Variants in SLC14A2 observed in about 807,000 individuals in gnomAD.
SLC14A2 encodes the protein solute carrier family 14 member 2.
SLC14A2 carries 91 observed loss-of-function variants against 104.6 expected under a neutral mutation model. The ratio of observed to expected loss-of-function variants is 0.87; its 90% CI spans 0.73 to 1.04. SLC14A2 has a LOEUF of 1.04. Among genes scored for constraint, SLC14A2 ranks in the 50% least tolerant of loss-of-function variants. The pLI, the probability that SLC14A2 is intolerant of heterozygous loss-of-function variation, is 0.00. For synonymous variants in SLC14A2, 476 were observed against 466.4 expected, an observed-to-expected ratio of 1.02 and a Z score of -0.27; for missense variants, 1,189 against 1,156.0, an observed-to-expected ratio of 1.03 and a Z score of -0.41.
At chr18:45,341,517 C>A (rs572644397) in intron 1 of SLC14A2, among the ~76,000 whole-genome samples, 1 of 150,072 alleles carries the variant, frequency 6.7e-6, no homozygotes, top group African/African-American at 2.4e-5. Flanking sequence ...CACATGTTCT[C>A]ATTTTTGCAC....
chr18:45,222,650 AAG>A (rs2084074334), intron 1 of SLC14A2, among the ~76,000 whole-genome samples: 1 of 151,710 alleles, frequency 6.6e-6, no homozygotes, highest in South Asian at 2.1e-4. Flanking sequence ...AGAGGTGAGA[AAG>A]AGAAAAGCTT....
At chr18:45,373,170 T>C (rs2085740624) in intron 1 of SLC14A2, among the ~76,000 whole-genome samples, 2 of 152,216 alleles carry the variant, frequency 1.3e-5, no homozygotes, top group African/African-American at 4.8e-5. Context: ...CCCATGACAC[T>C]AAATGTGGGC....
intron 1 of SLC14A2, among the ~76,000 whole-genome samples, chr18:45,390,634 A>C (rs796890117): frequency 1.3e-5 from 2 of 152,316 alleles, no homozygotes; most frequent in African/African-American, 4.8e-5. Context: ...GGTATATATA[A>C]AGTGTTAGGA....
chr18:45,235,816 TATATATATATATATAC>T (rs2084220601), intron 1 of SLC14A2, among the ~76,000 whole-genome samples: 2 of 86,616 alleles, frequency 2.3e-5, no homozygotes. Context: ...TGTGTGTGTA[TATATATATATATATAC>T]GTGTATATAT....
rs1043128243 is a variant in SLC14A2, at chr18:45,676,573, A to G, written c.2513-2402A>G. 3.3e-5 allele frequency among the ~76,000 whole-genome samples: 5 copies of G among 151,858 alleles called. No homozygotes were observed. The South Asian group carries it at 1.0e-3, about 31-fold the overall frequency. ...GGAACATTTGGCAATGTCTGATGAC[A>G]TTTTTCTGTGTCATACCTGAGGCTG... On this transcript the variant is annotated intron_variant, in intron 18 of 19. Coordinates refer to ENST00000255226, the MANE Select transcript of SLC14A2 (RefSeq NM_007163.4).
chr18:45,408,942 C>T (rs1297994197), intron 1 of SLC14A2, among the ~76,000 whole-genome samples: 1 of 152,198 alleles, frequency 6.6e-6, no homozygotes, highest in Non-Finnish European at 1.5e-5. Flanking sequence ...TTGAGCACAA[C>T]AGTCGTTTTA....
At chr18:45,625,290 G>C (rs894631649) in intron 2 of SLC14A2, among the ~76,000 whole-genome samples, 2 of 152,092 alleles carry the variant, frequency 1.3e-5, no homozygotes, top group African/African-American at 4.8e-5. Flanking sequence ...AATTACAGAA[G>C]GTATTGGATC....
chr18:45,424,570 A>T lies in SLC14A2; in HGVS notation c.-124-58663A>T, dbSNP rs536842817. Among the ~76,000 whole-genome samples, 4 of 152,388 alleles carry T rather than the reference A, an allele frequency of 2.6e-5. No homozygotes were observed. In the East Asian group the frequency reaches 7.7e-4, roughly 29 times the overall value. On this transcript the variant is annotated intron_variant, in intron 1 of 20. Coordinates refer to the SLC14A2 transcript ENST00000586448. ...TCTAAAATCACAACTGTGCACAGGC[A>T]TGAGTAGGTGGACACCCACACTTGC...
rs1366191067 is a variant in SLC14A2, at chr18:45,515,943, A to G, written c.-35+32621A>G. The stretch of plus-strand genomic sequence containing the variant: ...TTCAAATACCCAAGCCATTGTGGTA[A>G]CTATAGGAATTACTAACTGTAAGAA... On this transcript the variant is annotated intron_variant, in intron 2 of 20. Coordinates refer to the SLC14A2 transcript ENST00000586448. 2.0e-5 allele frequency among the ~76,000 whole-genome samples: 3 copies of G among 152,386 alleles called. No homozygotes were observed. In the South Asian group the frequency reaches 6.2e-4, roughly 32 times the overall value.
chr18:45,216,768 C>T (rs997106483), intron 1 of SLC14A2, among the ~76,000 whole-genome samples: 14 of 152,114 alleles, frequency 9.2e-5, no homozygotes, highest in African/African-American at 2.9e-4. Context: ...TTGTCTAGTC[C>T]GATGTTTCGG....
At chr18:45,283,357 T>A (rs1043762712) in intron 1 of SLC14A2, among the ~76,000 whole-genome samples, 2 of 131,476 alleles carry the variant, frequency 1.5e-5, no homozygotes, top group African/African-American at 6.5e-5. Flanking sequence ...TTACTGAGAC[T>A]TCTATAAGCC....
intron 1 of SLC14A2, among the ~76,000 whole-genome samples, chr18:45,448,616 G>A (rs1158438183): frequency 3.9e-5 from 6 of 152,106 alleles, no homozygotes; most frequent in East Asian, 1.9e-4. Flanking sequence ...GTTGCTCTGC[G>A]CAGACTCTTC....
At chr18:45,511,152 C>T (rs2043360861) in intron 2 of SLC14A2, among the ~76,000 whole-genome samples, 1 of 151,986 alleles carries the variant, frequency 6.6e-6, no homozygotes, top group African/African-American at 2.4e-5. Context: ...GCCCAGACAT[C>T]TTTGCACTTG....
intron 1 of SLC14A2, among the ~76,000 whole-genome samples, chr18:45,273,771 G>A (rs2084674692): frequency 6.6e-6 from 1 of 152,022 alleles, no homozygotes; most frequent in South Asian, 2.1e-4. Flanking sequence ...TTGTACTTTG[G>A]GTGACACAAA....
At chr18:45,512,361 G>A (rs2144790157) in intron 2 of SLC14A2, among the ~76,000 whole-genome samples, 1 of 152,280 alleles carries the variant, frequency 6.6e-6, no homozygotes, top group South Asian at 2.1e-4. Context: ...CGATACCTAG[G>A]CCAGGGAGAA....
At chr18:45,366,628 C>T (rs1568169259) in intron 1 of SLC14A2, among the ~76,000 whole-genome samples, 2 of 152,330 alleles carry the variant, frequency 1.3e-5, no homozygotes, top group African/African-American at 4.8e-5. Flanking sequence ...TCAGACTACC[C>T]AGAAAAACCA....
chr18:45,229,055 C>T (rs912629910), intron 1 of SLC14A2, among the ~76,000 whole-genome samples: 1 of 152,202 alleles, frequency 6.6e-6, no homozygotes, highest in Non-Finnish European at 1.5e-5. Flanking sequence ...AAGACTGTTT[C>T]GTTTACCATG....
At chr18:45,375,855 G>T (rs1184580712) in intron 1 of SLC14A2, among the ~76,000 whole-genome samples, 2 of 152,080 alleles carry the variant, frequency 1.3e-5, no homozygotes, top group Non-Finnish European at 2.9e-5. Flanking sequence ...CTTTCATCAT[G>T]CTCCTTCTCC....
At chr18:45,308,793 C>T (rs1366844158) in intron 1 of SLC14A2, among the ~76,000 whole-genome samples, 1 of 152,210 alleles carries the variant, frequency 6.6e-6, no homozygotes, top group East Asian at 1.9e-4. Context: ...TTTCTTTCCT[C>T]CTGGTCTGAA....
Sources: gnomAD v4.1 joint callset for allele counts (sites outside exome capture counted in the v4.1 genomes callset) on GRCh38, gnomAD v4.1.1 for gene constraint, MANE v1.5 for transcripts, NCBI Gene and HGNC (gene_info 2026-07-23, HGNC 2026-07-21) for gene names.